ATP6V0E1: variants seen among roughly 807,000 people sequenced by gnomAD.
ATP6V0E1 encodes ATPase H+ transporting V0 subunit e1.
In ATP6V0E1, 4 loss-of-function variants were observed where a neutral mutation model predicts 11.6. The observed-to-expected ratio is 0.35, with a 90% CI of 0.17 to 0.79. The LOEUF (loss-of-function observed/expected upper bound fraction) is 0.79. ATP6V0E1 is among the 30% of genes least tolerant of loss of function. The pLI, the probability that ATP6V0E1 is intolerant of heterozygous loss-of-function variation, is 0.54. For synonymous variants in ATP6V0E1, 36 were observed against 34.8 expected, an observed-to-expected ratio of 1.04 and a Z score of -0.13; for missense variants, 105 against 100.0, an observed-to-expected ratio of 1.05 and a Z score of -0.21.
At chr5:173,012,038 A>AT (rs34022628) in intron 2 of ATP6V0E1, among the ~76,000 whole-genome samples, 6,356 of 138,754 alleles carry the variant, frequency 0.046, 290 homozygotes, top group African/African-American at 0.12. Flanking sequence ...TCCTAGGTAA[A>AT]TTTTTTTTTT....
intron 1 of ATP6V0E1, chr5:172,987,207 G>A (rs1755909724): frequency 1.0e-5 from 2 of 200,180 alleles, no homozygotes; most frequent in African/African-American, 2.4e-5. Flanking sequence ...AAAATAAGCT[G>A]TTCCATGTGC....
At chr5:172,992,916 G>C (rs1756008097) in intron 1 of ATP6V0E1, among the ~76,000 whole-genome samples, 1 of 152,066 alleles carries the variant, frequency 6.6e-6, no homozygotes, top group Non-Finnish European at 1.5e-5. Context: ...TTCTGCCTCA[G>C]CCTCCTGAGC....
intron 2 of ATP6V0E1, 33 bp downstream of exon 2, chr5:172,994,855 G>A (rs1163192352): frequency 2.0e-6 from 3 of 1,526,066 alleles, no homozygotes; most frequent in East Asian, 2.3e-5. Flanking sequence ...ATTATTCTTG[G>A]TATTTGTAGT....
intron 3 of ATP6V0E1, among the ~76,000 whole-genome samples, chr5:173,027,964 C>T (rs961707612): frequency 3.3e-5 from 5 of 152,122 alleles, no homozygotes; most frequent in Non-Finnish European, 7.3e-5. Context: ...GGCCCTTTGA[C>T]ACTAAATAAC....
At chr5:172,997,529 G>A (rs1283915529) in intron 2 of ATP6V0E1, among the ~76,000 whole-genome samples, 1 of 152,222 alleles carries the variant, frequency 6.6e-6, no homozygotes, top group African/African-American at 2.4e-5. Flanking sequence ...AAGGTCAGGG[G>A]CAAGGCGTGG....
At chr5:173,033,935 C>T (rs910485133) in intron 3 of ATP6V0E1, among the ~76,000 whole-genome samples, 1 of 152,142 alleles carries the variant, frequency 6.6e-6, no homozygotes, top group Non-Finnish European at 1.5e-5. Context: ...CACCTACACT[C>T]GAGATAGCCA....
rs532900979 is a variant in ATP6V0E1 at position 173,018,684 on chromosome 5, A to C, written c.153-1554A>C. On this transcript the variant is annotated intron_variant, in intron 2 of 3. Coordinates refer to ENST00000519374, the MANE Select transcript of ATP6V0E1 (RefSeq NM_003945.4). ...AACAGTTATCACCTGACATTCTATT[A>C]TGTAAGCTCTGTGAGGATAGTGACA... is the stretch of plus-strand genomic sequence containing the variant. Among the ~76,000 whole-genome samples, 8 of 152,212 alleles carry C rather than the reference A, an allele frequency of 5.3e-5. No individual in the cohort carries two copies. In the South Asian group the frequency reaches 1.7e-3, roughly 32 times the overall value.
At chr5:173,010,259 T>C (rs1362474543) in intron 2 of ATP6V0E1, among the ~76,000 whole-genome samples, 1 of 152,154 alleles carries the variant, frequency 6.6e-6, no homozygotes, top group African/African-American at 2.4e-5. Flanking sequence ...CAGTGCTACA[T>C]GAGAAACTCC....
At chr5:173,021,503 T>C (rs1211256226) in intron 3 of ATP6V0E1, among the ~76,000 whole-genome samples, 1 of 152,082 alleles carries the variant, frequency 6.6e-6, no homozygotes, top group Non-Finnish European at 1.5e-5. Flanking sequence ...ATGGGGGAAC[T>C]GCCCCCATGA....
rs146097390 is a variant in ATP6V0E1 at position 173,032,951 on chromosome 5, C to A, written c.*37-1448C>A. Among the ~76,000 whole-genome samples, 1,012 of 152,272 alleles carry A rather than the reference C, an allele frequency of 6.6e-3. 19 individuals carry two copies. The highest frequency in any genetic ancestry group is 0.023 in the African/African-American group (952 of 41,562). On this transcript the variant is annotated intron_variant, in intron 3 of 3. Transcript: ENST00000519374. ...TTTCTATGAAAAATTTAAAAATTAG[C>A]TGGGCATGATGGCGTGGGCCTATAG...
At chr5:173,023,461 A>G (rs10073558) in intron 3 of ATP6V0E1, among the ~76,000 whole-genome samples, 51,058 of 152,180 alleles carry the variant, frequency 0.34, 10,641 homozygotes, top group African/African-American at 0.59. Flanking sequence ...CTCCCAAAAT[A>G]CTGGGATTAT....
At chr5:173,009,143 T>C (rs935772128) in intron 2 of ATP6V0E1, among the ~76,000 whole-genome samples, 1 of 151,142 alleles carries the variant, frequency 6.6e-6, no homozygotes, top group African/African-American at 2.4e-5. Context: ...CAAGGATCGC[T>C]TGAACCAGGA....
At position 173,020,278 on chromosome 5, in the gene ATP6V0E1, G is replaced by C; in HGVS notation, c.193G>C (p.Gly65Arg). ...AILAQLNPLF[G>R]PQLKNETIWY... ...TCTGGCCCAACTCAACCCTCTCTTTGGACCGCAATTGAAAAATGAAACCAT... is the reference window on the plus strand; with the variant it reads ...TCTGGCCCAACTCAACCCTCTCTTTCGACCGCAATTGAAAAATGAAACCAT... The change falls in exon 3 of 4, where the codon GGA (glycine) becomes CGA (arginine). Residue 65 changes from glycine to arginine, a missense_variant. Physicochemically the swap from Gly to Arg is moderately radical, Grantham distance 125. Transcript: ENST00000519374. 1.2e-6 allele frequency: 2 copies of C among 1,613,842 alleles called. No homozygotes were observed. The highest frequency in any genetic ancestry group is 8.5e-7 in the Non-Finnish European group (1 of 1,179,880).
At chr5:172,999,766 G>A (rs1257207492) in intron 2 of ATP6V0E1, among the ~76,000 whole-genome samples, 2 of 152,164 alleles carry the variant, frequency 1.3e-5, no homozygotes, top group Non-Finnish European at 2.9e-5. Flanking sequence ...TGTTAGTGGT[G>A]TATTAATAAA....
At chr5:173,031,826 A>G (rs1243419945) in intron 3 of ATP6V0E1, among the ~76,000 whole-genome samples, 1 of 150,698 alleles carries the variant, frequency 6.6e-6, no homozygotes, top group African/African-American at 2.4e-5. Context: ...CTGCCTCAAA[A>G]AAAAAAAAAA....
At chr5:173,025,128 A>G (rs1756537086) in intron 3 of ATP6V0E1, among the ~76,000 whole-genome samples, 1 of 139,142 alleles carries the variant, frequency 7.2e-6, no homozygotes, top group South Asian at 2.2e-4. Context: ...GGTGTGAGCC[A>G]CTGTGCCTGG....
At chr5:173,018,977 A>G (rs1476827748) in intron 2 of ATP6V0E1, among the ~76,000 whole-genome samples, 2 of 151,994 alleles carry the variant, frequency 1.3e-5, no homozygotes, top group Non-Finnish European at 2.9e-5. Context: ...TTTTTTAGAG[A>G]CAGGGTCTCA....
intron 2 of ATP6V0E1, among the ~76,000 whole-genome samples, chr5:173,015,141 C>T (rs925871596): frequency 6.6e-6 from 1 of 152,126 alleles, no homozygotes; most frequent in African/African-American, 2.4e-5. Flanking sequence ...CAGAAGGTCA[C>T]TTTTTGAAGT....
At chr5:173,006,011 T>C (rs947130596) in intron 2 of ATP6V0E1, among the ~76,000 whole-genome samples, 6 of 152,234 alleles carry the variant, frequency 3.9e-5, no homozygotes, top group African/African-American at 1.4e-4. Flanking sequence ...ATTTTATGCG[T>C]GTGGACTATC....
Sources: gnomAD v4.1 joint callset for allele counts (sites outside exome capture counted in the v4.1 genomes callset) on GRCh38, gnomAD v4.1.1 for gene constraint, MANE v1.5 for transcripts, NCBI Gene and HGNC (gene_info 2026-07-23, HGNC 2026-07-21) for gene names.